The following RTN2 variants were observed in gnomAD, a reference collection of about 807,000 sequenced individuals.
RTN2 encodes the protein reticulon-2.
In RTN2, 36 loss-of-function variants were observed where a neutral mutation model predicts 63.7. That is an observed-to-expected ratio of 0.56 (90% CI 0.43 to 0.75). RTN2 has a LOEUF of 0.75. Among genes scored for constraint, RTN2 ranks in the 30% least tolerant of loss-of-function variants. The pLI is 0.00. For synonymous variants in RTN2, 312 were observed against 313.0 expected, an observed-to-expected ratio of 1.00 and a Z score of 0.03; for missense variants, 673 against 705.1, an observed-to-expected ratio of 0.95 and a Z score of 0.52.
chr19:45,493,496 G>T, intron 4 of RTN2, 118 bp from the exon 5 acceptor site: 1 of 771,326 alleles, frequency 1.3e-6, no homozygotes, highest in Non-Finnish European at 2.1e-6. Context: ...GTCTCCCTAT[G>T]TTGCCCAGGC....
chr19:45,495,472 C>T (rs1369534912), intron 1 of RTN2, among the ~76,000 whole-genome samples: 1 of 152,144 alleles, frequency 6.6e-6, no homozygotes, highest in Non-Finnish European at 1.5e-5. Context: ...AAATCCCTGC[C>T]CTCCTAGAGC....
Position 45,496,827 on chromosome 19 carries a change from G to GC in RTN2, c.-3dup. The GC allele has an allele frequency of 1.3e-6, 2 of 1,506,380 alleles. No individual in the cohort carries two copies. The highest frequency in any genetic ancestry group is 1.8e-6 in the Non-Finnish European group (2 of 1,121,540). The allele number at this position is 1,506,380 out of a possible 1,614,324, so 93.3% of individuals were successfully genotyped here. A position where few individuals can be genotyped will look rare whatever the true frequency, so the allele number is the denominator to read the frequency against. ...GAAGACCGGCAGGACCTGCCCCATG[G>GC]CCCCCCTCGGGCCTGCATCGGGACC... is the stretch of plus-strand genomic sequence containing the variant. On this transcript the variant is annotated 5_prime_UTR_variant, in exon 1 of 11. Transcript: ENST00000245923.
In RTN2 at chr19:45,486,081, G is replaced by A. The variant is rs1223337821; in HGVS notation, c.1530C>T (p.Thr510=). ...TAGCTTTGATGTGGCTCAACTGATTGGTCACCAACCCCACATATTGGTCGA... is the reference window on the plus strand; with the variant it reads ...TAGCTTTGATGTGGCTCAACTGATTAGTCACCAACCCCACATATTGGTCGA... ...AQIDQYVGLV[T]NQLSHIKAKI... The change falls in exon 10 of 11, where the codon ACC becomes ACT. Residue 510 remains threonine (T), a synonymous_variant. Coordinates refer to ENST00000245923, the MANE Select transcript of RTN2 (RefSeq NM_005619.5). The A allele has an allele frequency of 1.9e-6, 3 of 1,613,862 alleles. No homozygotes were observed. Among genetic ancestry groups the A allele is most frequent in the African/African-American group, 2.7e-5 (2 of 74,860 alleles).
At chr19:45,493,800 G>A in intron 4 of RTN2, 1 of 290,452 alleles carries the variant, frequency 3.4e-6, no homozygotes, top group South Asian at 3.8e-5. Context: ...CTGGAGTGCA[G>A]TGGCGCGATC....
At position 45,485,326 on chromosome 19, in the gene RTN2, C is replaced by G. The variant is rs1967992886; in HGVS notation, c.*382G>C. On this transcript the variant is annotated 3_prime_UTR_variant, in exon 11 of 11. Transcript: ENST00000245923. ...CAGGAGTCTTTATTACAGTGTAAAT[C>G]CAAGCTCAGGCCTCCCCTGGGCCCC... The G allele has an allele frequency of 9.0e-6, 2 of 222,762 alleles. No individual in the cohort carries two copies. The highest frequency in any genetic ancestry group is 2.3e-5 in the African/African-American group (1 of 44,444). 13.8% of individuals were successfully genotyped at this position (222,762 alleles called of 1,614,324 possible).
chr19:45,495,235 G>A, intron 1 of RTN2, 96 bp from the exon 2 acceptor site: 2 of 1,439,762 alleles, frequency 1.4e-6, no homozygotes, highest in South Asian at 1.2e-5. Context: ...TTGAATCACG[G>A]GATTTTTAGA....
At chr19:45,490,378 C>A (rs1225200421) in intron 5 of RTN2, among the ~76,000 whole-genome samples, 1 of 152,088 alleles carries the variant, frequency 6.6e-6, no homozygotes, top group African/African-American at 2.4e-5. Context: ...TTTATTTAAC[C>A]ATGTACCTAT....
At chr19:45,488,125 A>G (rs1220673139) in intron 9 of RTN2, among the ~76,000 whole-genome samples, 1 of 151,778 alleles carries the variant, frequency 6.6e-6, no homozygotes, top group Non-Finnish European at 1.5e-5. Flanking sequence ...CGGTGGCCAT[A>G]TGCCTGTAAT....
chr19:45,490,310 A>C (rs4511641), intron 5 of RTN2, among the ~76,000 whole-genome samples: 87,396 of 152,006 alleles, frequency 0.57, 25,408 homozygotes, highest in East Asian at 0.77. Context: ...TTAATTCATT[A>C]TTTTAAAGAG....
Position 45,494,499 on chromosome 19 carries a change from T to C in RTN2, c.559+27A>G. On this transcript the variant is annotated intron_variant, in intron 3 of 10. Coordinates refer to ENST00000245923, the MANE Select transcript of RTN2 (RefSeq NM_005619.5). The surrounding 1 kb of genome is among the most constrained non-coding windows in gnomAD (Gnocchi z 5.3). ...GAGAAACCACCCACCCCTCTTGGCT[T>C]TGGTCCCAGCACCTCGGACATCTCA... 1 of 1,608,420 alleles carries C rather than the reference T, an allele frequency of 6.2e-7. No homozygotes were observed. The highest frequency in any genetic ancestry group is 8.5e-7 in the Non-Finnish European group (1 of 1,176,294).
rs1968218601 is a variant in RTN2, at chr19:45,494,092, G to A, written c.814+74C>T. ...TATGTACTGTTCCTTTGCGAGGTTG[G>A]TCCCTTTAATTCAAAATCCTCTCAC... On this transcript the variant is annotated intron_variant, in intron 4 of 10. Transcript: ENST00000245923. The surrounding 1 kb of genome is among the most constrained non-coding windows in gnomAD (Gnocchi z 5.3). 1.3e-6 allele frequency: 2 copies of A among 1,563,232 alleles called. No homozygotes were observed. The highest frequency in any genetic ancestry group is 2.3e-5 in the South Asian group (2 of 85,720).
chr19:45,493,049 C>G, intron 5 of RTN2, 111 bp downstream of exon 5: 1 of 1,102,788 alleles, frequency 9.1e-7, no homozygotes, highest in Admixed American at 1.8e-5. Context: ...GCCTGCAGCG[C>G]TGCGGAAGCA....
rs778531345 is a variant in RTN2 at position 45,494,695 on chromosome 19, C to T, written c.390G>A (p.Ala130=). Residue 130 remains alanine, a synonymous_variant, in exon 3 of 11, where the codon GCG becomes GCA. Transcript: ENST00000245923. The surrounding 1 kb of genome is among the most constrained non-coding windows in gnomAD (Gnocchi z 5.3). ...CTTCCAGAGGGCGCTCGGATGGAGG[C>T]GCGGTGTCAGGATCACCCCGTCGTC... ...EPGRRGDPDT[A]PPSERPLEDL... is the part of the protein sequence containing the mutation. 2.5e-6 allele frequency: 4 copies of T among 1,613,556 alleles called. No individual in the cohort carries two copies. The highest frequency in any genetic ancestry group is 2.2e-5 in the South Asian group (2 of 91,084).
intron 5 of RTN2, among the ~76,000 whole-genome samples, chr19:45,491,360 A>ATT (rs752835899): frequency 5.6e-5 from 7 of 125,502 alleles, no homozygotes; most frequent in African/African-American, 1.8e-4. Context: ...TATCGTGCTA[A>ATT]TTTTTTTTTT....
chr19:45,485,437 G>A lies in RTN2; in HGVS notation c.*271C>T, dbSNP rs893691642. 1.0e-5 allele frequency: 5 copies of A among 488,822 alleles called. No individual in the cohort carries two copies. In the East Asian group the frequency reaches 1.7e-4, roughly 17 times the overall value. The allele number at this position is 488,822 out of a possible 1,614,324, so 30.3% of individuals were successfully genotyped here. A position where few individuals can be genotyped will look rare whatever the true frequency, so the allele number is the denominator to read the frequency against. On this transcript the variant is annotated 3_prime_UTR_variant, in exon 11 of 11. Coordinates refer to ENST00000245923, the MANE Select transcript of RTN2 (RefSeq NM_005619.5). ...TCCAGCGGCGGGTCCGGAAGTGCAG[G>A]GTGGTGCCCTGTCTAGGCAACTACA... is the stretch of plus-strand genomic sequence containing the variant.
chr19:45,488,373 T>C, intron 9 of RTN2, 98 bp downstream of exon 9: 3 of 1,302,422 alleles, frequency 2.3e-6, no homozygotes, highest in Non-Finnish European at 3.2e-6. Context: ...CACCTGTGTC[T>C]GGCCGGGACA....
chr19:45,493,429 C>T (rs752417134), intron 4 of RTN2, 51 bp from the exon 5 acceptor site: 17 of 1,310,198 alleles, frequency 1.3e-5, no homozygotes, highest in Non-Finnish European at 1.7e-5. Context: ...TACAACTGGC[C>T]AATAGATGTG....
chr19:45,487,008 C>G (rs975951517), intron 9 of RTN2, among the ~76,000 whole-genome samples: 4 of 132,386 alleles, frequency 3.0e-5, no homozygotes, highest in Non-Finnish European at 4.7e-5. Context: ...GCTGGGATCA[C>G]AAGCGTGAGC....
rs1440427338 is a variant in RTN2, at chr19:45,494,393, T to C, written c.587A>G (p.Gln196Arg). The C allele has an allele frequency of 9.9e-6, 16 of 1,613,456 alleles. No homozygotes were observed. The highest frequency in any genetic ancestry group is 1.3e-5 in the African/African-American group (1 of 74,882). The change falls in exon 4 of 11, where the codon CAG becomes CGG. Residue 196 changes from glutamine (Q) to arginine (R), a missense_variant. Gln to Arg is a conservative substitution (Grantham distance 43). Coordinates refer to ENST00000245923, the MANE Select transcript of RTN2 (RefSeq NM_005619.5). The surrounding 1 kb of genome is among the most constrained non-coding windows in gnomAD (Gnocchi z 5.3). Reference protein sequence around the residue: ...EELDLRLRLAQPSSPEVLTPQ... With the variant: ...EELDLRLRLARPSSPEVLTPQ... ...AGTCAAGACCTCGGGCGATGAGGGC[T>C]GAGCAAGTCGGAGTCGTAGGTCCAG... is the stretch of plus-strand genomic sequence containing the variant.
Sources: gnomAD v4.1 joint callset for allele counts (sites outside exome capture counted in the v4.1 genomes callset) on GRCh38, gnomAD v4.1.1 for gene constraint, Gnocchi (gnomAD v3.1) non-coding constraint, MANE v1.5 for transcripts, NCBI Gene and HGNC (gene_info 2026-07-23, HGNC 2026-07-21) for gene names.